Variants in ZNF740 observed in about 807,000 individuals in gnomAD.
The protein encoded by ZNF740 is oriLyt TD-element-binding protein 7.
In ZNF740, 14 loss-of-function variants were observed where a neutral mutation model predicts 24.8. The ratio of observed to expected loss-of-function variants is 0.56; its 90% confidence interval spans 0.37 to 0.88. ZNF740 has a LOEUF of 0.88. Ranked by LOEUF, ZNF740 falls within the 40% of genes least tolerant of loss-of-function variation. The pLI is 0.00. For synonymous variants in ZNF740, 69 were observed against 84.0 expected (o/e 0.82, Z 0.98); for missense variants, 201 against 247.9 (o/e 0.81, Z 1.27).
intron 1 of ZNF740, 91 bp from the exon 2 acceptor site, chr12:53,181,586 G>C: frequency 2.3e-6 from 2 of 866,748 alleles, no homozygotes; most frequent in Non-Finnish European, 2.8e-6. Flanking sequence ...GCTTCACAGA[G>C]AGCGCCCAGC....
Position 53,184,795 on chromosome 12 carries a change from T to C in ZNF740, c.10-96T>C, listed in dbSNP as rs1363633860. ...GGACATTCCCTGGAGAGAAGCAGTT[T>C]GTAGCAGGGTGTAAAAGGTAGTTCT... On this transcript the variant is annotated intron_variant, in intron 2 of 6. Coordinates refer to ENST00000416904, the MANE Select transcript of ZNF740 (RefSeq NM_001004304.4). 6 of 1,415,992 alleles carry C rather than the reference T, an allele frequency of 4.2e-6. No homozygotes were observed. The African/African-American group carries it at 7.1e-5, about 17-fold the overall frequency. The allele number at this position is 1,415,992 out of a possible 1,614,324, so 87.7% of individuals were successfully genotyped here.
Position 53,192,472 on chromosome 12 carries a change from G to A in ZNF740, c.*4882G>A. The stretch of plus-strand genomic sequence containing the variant: ...CCAAGGCCAGGGTCACATTGGTATG[G>A]GCACAAGCTGTACTGCAGTTGGTGG... On this transcript the variant is annotated 3_prime_UTR_variant, in exon 7 of 7. Coordinates refer to ENST00000416904, the MANE Select transcript of ZNF740 (RefSeq NM_001004304.4). 6.2e-7 allele frequency: 1 copy of A among 1,614,152 alleles called. No individual in the cohort carries two copies. The highest frequency in any genetic ancestry group is 2.2e-5 in the East Asian group (1 of 44,884).
Position 53,191,575 on chromosome 12 carries a change from G to C in ZNF740, c.*3985G>C, listed in dbSNP as rs748410057. 2.5e-6 allele frequency: 4 copies of C among 1,612,564 alleles called. No individual in the cohort carries two copies. In the Admixed American group the frequency reaches 6.7e-5, roughly 27 times the overall value. ...CCTCCTTCAGAGAGTGGGACTGTCTGCCTCTTGAAAGCGAGGATTGATGGT... is the reference window on the plus strand; with the variant it reads ...CCTCCTTCAGAGAGTGGGACTGTCTCCCTCTTGAAAGCGAGGATTGATGGT... On this transcript the variant is annotated 3_prime_UTR_variant, in exon 7 of 7. Coordinates refer to ENST00000416904, the MANE Select transcript of ZNF740 (RefSeq NM_001004304.4).
rs767275705 is a variant in ZNF740 at position 53,193,837 on chromosome 12, C to T, written c.*6247C>T. 31 of 1,613,840 alleles carry T rather than the reference C, an allele frequency of 1.9e-5. No homozygotes were observed. The highest frequency in any genetic ancestry group is 8.0e-5 in the African/African-American group (6 of 74,850). On this transcript the variant is annotated 3_prime_UTR_variant, in exon 7 of 7. Transcript: ENST00000416904. ...CAGCTCCTCTGAGAAGCCAAGGGCC[C>T]GGAGCCTCAGGAGATGGGGCTCTGG... is the stretch of plus-strand genomic sequence containing the variant.
At position 53,193,656 on chromosome 12, in the gene ZNF740, G is replaced by A. The variant is rs1031142188; in HGVS notation, c.*6066G>A. On this transcript the variant is annotated 3_prime_UTR_variant, in exon 7 of 7. Transcript: ENST00000416904. ...AAAGCAGCGGAGGAATACGGGCCAGGGTTGGTTGGTTGTTGGGAGCCAGGT... is the reference window on the plus strand; with the variant it reads ...AAAGCAGCGGAGGAATACGGGCCAGAGTTGGTTGGTTGTTGGGAGCCAGGT... 2.0e-6 allele frequency: 3 copies of A among 1,488,584 alleles called. No individual in the cohort carries two copies. Among genetic ancestry groups the A allele is most frequent in the East Asian group, 4.6e-5 (2 of 43,856 alleles). 92.2% of individuals were successfully genotyped at this position (1,488,584 alleles called of 1,614,324 possible). A position where few individuals can be genotyped will look rare whatever the true frequency, so the allele number is the denominator to read the frequency against.
In ZNF740 at chr12:53,193,733, C is replaced by T. The variant is rs1192870607; in HGVS notation, c.*6143C>T. On this transcript the variant is annotated 3_prime_UTR_variant, in exon 7 of 7. Transcript: ENST00000416904. ...CTGCATACACCACATTGTAGGTGTC[C>T]CTGGCCATCACTGCAGTGGGGAGCC... 17 of 1,613,446 alleles carry T rather than the reference C, an allele frequency of 1.1e-5. No homozygotes were observed. Among genetic ancestry groups the T allele is most frequent in the African/African-American group, 1.3e-5 (1 of 74,988 alleles).
rs551837556 is a variant in ZNF740 at position 53,193,130 on chromosome 12, C to G, written c.*5540C>G. 11 of 1,598,890 alleles carry G rather than the reference C, an allele frequency of 6.9e-6. No homozygotes were observed. The highest frequency in any genetic ancestry group is 8.6e-6 in the Non-Finnish European group (10 of 1,168,698). On this transcript the variant is annotated 3_prime_UTR_variant, in exon 7 of 7. Coordinates refer to ENST00000416904, the MANE Select transcript of ZNF740 (RefSeq NM_001004304.4). ...TCAGACCCCGCCCTTCTCCCCAAGG[C>G]TCCAGGTACCTCCGCAGAGGATGCC... is the stretch of plus-strand genomic sequence containing the variant.
At position 53,193,644 on chromosome 12, in the gene ZNF740, A is replaced by G; in HGVS notation, c.*6054A>G. On this transcript the variant is annotated 3_prime_UTR_variant, in exon 7 of 7. Coordinates refer to ENST00000416904, the MANE Select transcript of ZNF740 (RefSeq NM_001004304.4). The stretch of plus-strand genomic sequence containing the variant: ...TGGGGGGGATGGAAAGCAGCGGAGG[A>G]ATACGGGCCAGGGTTGGTTGGTTGT... 7.2e-7 allele frequency: 1 copy of G among 1,388,226 alleles called. No homozygotes were observed. The highest frequency in any genetic ancestry group is 1.4e-5 in the South Asian group (1 of 73,420). 86.0% of individuals were successfully genotyped at this position (1,388,226 alleles called of 1,614,324 possible).
chr12:53,192,148 A>G lies in ZNF740; in HGVS notation c.*4558A>G. 1 of 1,284,822 alleles carries G rather than the reference A, an allele frequency of 7.8e-7. No homozygotes were observed. The highest frequency in any genetic ancestry group is 1.1e-6 in the Non-Finnish European group (1 of 935,000). 79.6% of individuals were successfully genotyped at this position (1,284,822 alleles called of 1,614,324 possible). A position where few individuals can be genotyped will look rare whatever the true frequency, so the allele number is the denominator to read the frequency against. ...AGCAAAGGGAACCCAGGGAGGTCCAAGGTTATCCTCACCGCCCAGGGCCTT... is the reference window on the plus strand; with the variant it reads ...AGCAAAGGGAACCCAGGGAGGTCCAGGGTTATCCTCACCGCCCAGGGCCTT... On this transcript the variant is annotated 3_prime_UTR_variant, in exon 7 of 7. Coordinates refer to ENST00000416904, the MANE Select transcript of ZNF740 (RefSeq NM_001004304.4).
intron 1 of ZNF740, chr12:53,181,108 C>G (rs1470437208): frequency 1.1e-6 from 1 of 951,304 alleles, no homozygotes; most frequent in East Asian, 1.2e-4. Flanking sequence ...CGGCACTCTC[C>G]GGCTCTGCTC....
rs758795578 is a variant in ZNF740 at position 53,192,785 on chromosome 12, G to C, written c.*5195G>C. ...CACTGGCAGCGGTTGCATTTGCAGC[G>C]TCCATGCCCACTGCAGAGCCCTCCC... is the stretch of plus-strand genomic sequence containing the variant. On this transcript the variant is annotated 3_prime_UTR_variant, in exon 7 of 7. Transcript: ENST00000416904. 1 of 1,614,100 alleles carries C rather than the reference G, an allele frequency of 6.2e-7. No homozygotes were observed. Among genetic ancestry groups the C allele is most frequent in the African/African-American group, 1.3e-5 (1 of 74,940 alleles).
At chr12:53,184,180 T>G (rs1446864436) in intron 2 of ZNF740, among the ~76,000 whole-genome samples, 1 of 134,002 alleles carries the variant, frequency 7.5e-6, no homozygotes, top group African/African-American at 3.2e-5. Context: ...CTAAGGGGTG[T>G]GTGTGTGTGT....
chr12:53,183,326 A>G (rs1941735359), intron 2 of ZNF740, among the ~76,000 whole-genome samples: 2 of 152,216 alleles, frequency 1.3e-5, no homozygotes, highest in African/African-American at 4.8e-5. Context: ...AGGTGGAATA[A>G]CTTGCCCAAG....
rs1942087861 is a variant in ZNF740 at position 53,194,501 on chromosome 12, G to A, written c.*6911G>A. 1.5e-6 allele frequency: 1 copy of A among 663,038 alleles called. No individual in the cohort carries two copies. The highest frequency in any genetic ancestry group is 1.8e-5 in the African/African-American group (1 of 55,136). The allele number at this position is 663,038 out of a possible 1,614,324, so 41.1% of individuals were successfully genotyped here. A position where few individuals can be genotyped will look rare whatever the true frequency, so the allele number is the denominator to read the frequency against. On this transcript the variant is annotated 3_prime_UTR_variant, in exon 7 of 7. Transcript: ENST00000416904. ...CCCAGTCGAGGCATTTCTGGAGGGA[G>A]GACCCGTGAGAACCTTGCATAGAAC...
chr12:53,190,407 A>C lies in ZNF740; in HGVS notation c.*2817A>C, dbSNP rs1353820343. Reference sequence around the variant, plus strand: ...AGGATAGAGAGTCAGGGAACCTGGGAAAGAGTAGTGCCAGTTCCGGGTAGG... The same window carrying C: ...AGGATAGAGAGTCAGGGAACCTGGGCAAGAGTAGTGCCAGTTCCGGGTAGG... On this transcript the variant is annotated 3_prime_UTR_variant, in exon 7 of 7. Transcript: ENST00000416904. The C allele has an allele frequency of 6.5e-6, 1 of 152,720 alleles. No individual in the cohort carries two copies. Among genetic ancestry groups the C allele is most frequent in the African/African-American group, 2.4e-5 (1 of 41,440 alleles). 9.5% of individuals were successfully genotyped at this position (152,720 alleles called of 1,614,324 possible). A position where few individuals can be genotyped will look rare whatever the true frequency, so the allele number is the denominator to read the frequency against.
At position 53,185,324 on chromosome 12, in the gene ZNF740, G is replaced by T. The variant is rs896547570; in HGVS notation, c.160-63G>T. 7.8e-6 allele frequency: 12 copies of T among 1,538,390 alleles called. No individual in the cohort carries two copies. In the African/African-American group the frequency reaches 1.6e-4, roughly 21 times the overall value. On this transcript the variant is annotated intron_variant, in intron 3 of 6. Transcript: ENST00000416904. ...CATTTATGAATTTTGTCTGAGAGCT[G>T]CATTGGGTCTCATCTCATGTTCCGA...
intron 1 of ZNF740, chr12:53,181,055 C>T (rs1244538910): frequency 1.1e-6 from 1 of 902,032 alleles, no homozygotes; most frequent in Non-Finnish European, 1.4e-6. Flanking sequence ...GGAGAGGGCT[C>T]TCGGAGGGGA....
In ZNF740 at chr12:53,194,325, GT is replaced by G; in HGVS notation, c.*6736del. On this transcript the variant is annotated 3_prime_UTR_variant, in exon 7 of 7. Transcript: ENST00000416904. ...AGGAGGGAGTGAAGAGTGTTCAAGG[GT>G]CACGGTGGAAGACAGGCTCTATGGG... 1 of 1,614,050 alleles carries G rather than the reference GT, an allele frequency of 6.2e-7. No homozygotes were observed. Among genetic ancestry groups the G allele is most frequent in the Non-Finnish European group, 8.5e-7 (1 of 1,179,992 alleles).
chr12:53,180,933 G>T, intron 1 of ZNF740, 96 bp downstream of exon 1: 1 of 1,009,378 alleles, frequency 9.9e-7, no homozygotes, highest in Non-Finnish European at 1.2e-6. Flanking sequence ...AAGGGGGAGG[G>T]GAGGGGAGGA....
Sources: gnomAD v4.1 joint callset for allele counts (sites outside exome capture counted in the v4.1 genomes callset) on GRCh38, gnomAD v4.1.1 for gene constraint, MANE v1.5 for transcripts, NCBI Gene and HGNC (gene_info 2026-07-23, HGNC 2026-07-21) for gene names.